The following MFHAS1 variants were observed in gnomAD, a reference collection of about 807,000 sequenced individuals.
MFHAS1 encodes the protein malignant fibrous histiocytoma-amplified sequence 1.
Under a neutral mutation model 70.4 loss-of-function variants are expected in MFHAS1, and 50 were observed. That is an observed-to-expected ratio of 0.71 (90% CI 0.57 to 0.90). The LOEUF is 0.90. Ranked by LOEUF, MFHAS1 falls within the 40% of genes least tolerant of loss-of-function variation. MFHAS1 has a pLI of 0.00. For synonymous variants in MFHAS1, 952 were observed against 620.0 expected (o/e 1.54, Z -7.96); for missense variants, 1,795 against 1,347.6 (o/e 1.33, Z -5.20).
intron 1 of MFHAS1, among the ~76,000 whole-genome samples, chr8:8,883,104 G>C (rs945554743): frequency 1.8e-4 from 27 of 152,136 alleles, no homozygotes; most frequent in African/African-American, 6.5e-4. Context: ...AGTGAGCCAT[G>C]ACTGTGCCAC....
intron 2 of MFHAS1, among the ~76,000 whole-genome samples, chr8:8,787,569 T>G (rs1805595187): frequency 6.6e-6 from 1 of 152,234 alleles, no homozygotes; most frequent in Non-Finnish European, 1.5e-5. Context: ...ACGAGAATTT[T>G]TTGAATGCCT....
intron 1 of MFHAS1, among the ~76,000 whole-genome samples, chr8:8,855,643 G>C (rs1263866906): frequency 1.3e-5 from 2 of 152,130 alleles, no homozygotes; most frequent in African/African-American, 4.8e-5. Flanking sequence ...ATTACTTGAG[G>C]TCAGAAGTTC....
Position 8,795,745 on chromosome 8 carries a change from G to C in MFHAS1, c.3125+1620C>G, listed in dbSNP as rs1805870204. 2.0e-5 allele frequency among the ~76,000 whole-genome samples: 3 copies of C among 152,186 alleles called. No individual in the cohort carries two copies. The South Asian group carries it at 6.2e-4, about 32-fold the overall frequency. ...AAGGCAGGGAAGCTGCCATGTGAGGGGTGAGATGGATGCCTGTCACACTGC... is the reference window on the plus strand; with the variant it reads ...AAGGCAGGGAAGCTGCCATGTGAGGCGTGAGATGGATGCCTGTCACACTGC... On this transcript the variant is annotated intron_variant, in intron 2 of 2. Transcript: ENST00000276282.
rs983331291 is a variant in MFHAS1, at chr8:8,784,051, G to C, written c.*1971C>G. The C allele has an allele frequency of 6.6e-6, 1 of 152,120 alleles. No individual in the cohort carries two copies. The highest frequency in any genetic ancestry group is 1.5e-5 in the Non-Finnish European group (1 of 68,020). 9.4% of individuals were successfully genotyped at this position (152,120 alleles called of 1,614,324 possible). ...ATTAAGAATGTGGGCGTTTATGTTCGTAACAGCAAATACTTTGTAGGGTGT... is the reference window on the plus strand; with the variant it reads ...ATTAAGAATGTGGGCGTTTATGTTCCTAACAGCAAATACTTTGTAGGGTGT... On this transcript the variant is annotated 3_prime_UTR_variant, in exon 3 of 3. Coordinates refer to ENST00000276282, the MANE Select transcript of MFHAS1 (RefSeq NM_004225.3).
At chr8:8,847,371 G>T (rs1447535148) in intron 1 of MFHAS1, among the ~76,000 whole-genome samples, 1 of 152,008 alleles carries the variant, frequency 6.6e-6, no homozygotes, top group Non-Finnish European at 1.5e-5. Flanking sequence ...TAGTAGAGAC[G>T]GGGTTTCACC....
chr8:8,799,852 CA>C (rs1806027025), intron 1 of MFHAS1, among the ~76,000 whole-genome samples: 1 of 152,210 alleles, frequency 6.6e-6, no homozygotes, highest in Non-Finnish European at 1.5e-5. Flanking sequence ...ACTGGGCCTG[CA>C]GTTTTAAATG....
chr8:8,788,617 T>G (rs1585014751), intron 2 of MFHAS1, among the ~76,000 whole-genome samples: 1 of 152,030 alleles, frequency 6.6e-6, no homozygotes, highest in South Asian at 2.1e-4. Flanking sequence ...AGGCGGAGGG[T>G]GCAGTGAACC....
chr8:8,892,172 G>A lies in MFHAS1; in HGVS notation c.887C>T (p.Ala296Val), dbSNP rs779723931. 6.2e-7 allele frequency: 1 copy of A among 1,610,592 alleles called. No individual in the cohort carries two copies. The highest frequency in any genetic ancestry group is 1.7e-5 in the Admixed American group (1 of 60,022). Residue 296 changes from alanine to valine, a missense_variant, in exon 1 of 3, where the codon GCT becomes GTT. Physicochemically the swap from Ala to Val is moderately conservative, Grantham distance 64. Transcript: ENST00000276282. This position sits in a 1 kb window ranked among gnomAD's most constrained non-coding sequence, Gnocchi z 4.7. ...EEFPAALLPL[A>V]GLEELYLSRN... ...ACTAAGGTAGAGCTCCTCCAGACCAGCCAGGGGCAGCAGCGCGGCAGGGAA... is the reference window on the plus strand; with the variant it reads ...ACTAAGGTAGAGCTCCTCCAGACCAACCAGGGGCAGCAGCGCGGCAGGGAA...
chr8:8,886,081 T>C (rs184738749), intron 1 of MFHAS1, among the ~76,000 whole-genome samples: 2 of 152,356 alleles, frequency 1.3e-5, no homozygotes, highest in Admixed American at 1.3e-4. Context: ...GTTGTCAGAT[T>C]ACCTATTTTA....
intron 1 of MFHAS1, among the ~76,000 whole-genome samples, chr8:8,887,473 TG>T (rs1412981725): frequency 6.6e-6 from 1 of 151,090 alleles, no homozygotes; most frequent in East Asian, 1.9e-4. Flanking sequence ...CTGCTACTTT[TG>T]AAAAACAACA....
chr8:8,887,420 C>A (rs986235616), intron 1 of MFHAS1, among the ~76,000 whole-genome samples: 2 of 151,392 alleles, frequency 1.3e-5, no homozygotes, highest in Admixed American at 1.3e-4. Context: ...CTTAATGTAA[C>A]GAGAAATGTA....
intron 1 of MFHAS1, among the ~76,000 whole-genome samples, chr8:8,876,678 A>G (rs558434131): frequency 3.4e-4 from 52 of 152,108 alleles, no homozygotes; most frequent in African/African-American, 1.2e-3. Context: ...CACCTGGCCT[A>G]TAAGTTTTTA....
chr8:8,813,802 TAC>T lies in MFHAS1; in HGVS notation c.2999-16313_2999-16312del, dbSNP rs959652933. On this transcript the variant is annotated intron_variant, in intron 1 of 2. Coordinates refer to ENST00000276282, the MANE Select transcript of MFHAS1 (RefSeq NM_004225.3). ...TAATAAATTGGATGTGGCCTAAATG[TAC>T]AGTGTTGAAGTCTACAGCAGCAGTA... is the stretch of plus-strand genomic sequence containing the variant. Among the ~76,000 whole-genome samples, 4 of 152,276 alleles carry T rather than the reference TAC, an allele frequency of 2.6e-5. No homozygotes were observed. In the East Asian group the frequency reaches 5.8e-4, roughly 22 times the overall value.
intron 1 of MFHAS1, among the ~76,000 whole-genome samples, 185 bp from the exon 2 acceptor site, chr8:8,797,676 A>T (rs1393505190): frequency 6.6e-6 from 1 of 152,146 alleles, no homozygotes; most frequent in East Asian, 1.9e-4. Flanking sequence ...CCAGCGCCTA[A>T]ATCCTCCTCT....
chr8:8,834,089 G>C (rs1370744005), intron 1 of MFHAS1, among the ~76,000 whole-genome samples: 3 of 151,738 alleles, frequency 2.0e-5, no homozygotes, highest in African/African-American at 7.3e-5. Flanking sequence ...TCGTGCCACT[G>C]CACTCCAGCC....
intron 1 of MFHAS1, among the ~76,000 whole-genome samples, chr8:8,799,655 C>A (rs1192756574): frequency 6.6e-6 from 1 of 152,178 alleles, no homozygotes; most frequent in African/African-American, 2.4e-5. Context: ...ATTCGGGAGG[C>A]TGAGGCATGA....
At position 8,890,901 on chromosome 8, in the gene MFHAS1, G is replaced by C. The variant is rs1425828256; in HGVS notation, c.2158C>G (p.Pro720Ala). The C allele has an allele frequency of 2.5e-6, 4 of 1,613,996 alleles. No homozygotes were observed. The African/African-American group carries it at 4.0e-5, about 16-fold the overall frequency. The change falls in exon 1 of 3, where the codon CCG becomes GCG. Residue 720 changes from proline to alanine, a missense_variant. Physicochemically the swap from Pro to Ala is conservative, Grantham distance 27. Coordinates refer to ENST00000276282, the MANE Select transcript of MFHAS1 (RefSeq NM_004225.3). ...SGKLLYFEDSPALKEHVFHNL... is the reference protein window; with the variant it reads ...SGKLLYFEDSAALKEHVFHNL... ...TGGAAGACGTGCTCCTTGAGAGCCG[G>C]ACTGTCCTCAAAGTAGAGTAGCTTG...
rs1442600018 is a variant in MFHAS1, at chr8:8,797,475, C to G, written c.3015G>C (p.Gln1005His). 6.2e-7 allele frequency: 1 copy of G among 1,613,816 alleles called. No homozygotes were observed. ...PHAFPGELLSQPRPEGVAEII... is the reference protein window; with the variant it reads ...PHAFPGELLSHPRPEGVAEII... ...TCTCTGCCACTCCTTCCGGTCTGGGCTGACTCAGCAACTCCCCTGTAGGAG... is the reference window on the plus strand; with the variant it reads ...TCTCTGCCACTCCTTCCGGTCTGGGGTGACTCAGCAACTCCCCTGTAGGAG... The change falls in exon 2 of 3, where the codon CAG becomes CAC. Residue 1005 changes from glutamine (Q) to histidine (H), a missense_variant. Coordinates refer to ENST00000276282, the MANE Select transcript of MFHAS1 (RefSeq NM_004225.3).
At chr8:8,826,854 C>T (rs1037189605) in intron 1 of MFHAS1, among the ~76,000 whole-genome samples, 1 of 152,178 alleles carries the variant, frequency 6.6e-6, no homozygotes, top group Admixed American at 6.5e-5. Context: ...ACAGTGCAGC[C>T]ATCTTGCTGC....
Sources: allele counts gnomAD v4.1 joint callset (sites outside exome capture counted in the v4.1 genomes callset), GRCh38; gene constraint gnomAD v4.1.1; non-coding constraint Gnocchi (gnomAD v3.1); transcripts MANE v1.5; gene names NCBI Gene and HGNC (gene_info 2026-07-23, HGNC 2026-07-21).